RALGPS1: variants seen among roughly 807,000 people sequenced by gnomAD.
RALGPS1 encodes Ral GEF with PH domain and SH3 binding motif 1.
RALGPS1 carries 19 observed loss-of-function variants against 78.8 expected under a neutral mutation model. The ratio of observed to expected loss-of-function variants is 0.24; its 90% CI spans 0.17 to 0.35. The LOEUF (loss-of-function observed/expected upper bound fraction) is 0.35, where lower values mean the gene tolerates loss of function less well. RALGPS1 is among the 10% of genes least tolerant of loss of function. The pLI, the probability that RALGPS1 is intolerant of heterozygous loss-of-function variation, is 1.00. For missense variants in RALGPS1, 454 were observed against 688.3 expected, an observed-to-expected ratio of 0.66 and a Z score of 3.81; for synonymous variants, 228 against 256.3, an observed-to-expected ratio of 0.89 and a Z score of 1.06.
chr9:127,056,988 T>A (rs546604121), intron 7 of RALGPS1, among the ~76,000 whole-genome samples: 1 of 152,214 alleles, frequency 6.6e-6, no homozygotes, highest in South Asian at 2.1e-4. Context: ...AGCCATAACA[T>A]CCCCAAAGGT....
chr9:127,091,679 C>T lies in RALGPS1; in HGVS notation c.610+22323C>T, dbSNP rs1180145642. 1 of 1,613,566 alleles carries T rather than the reference C, an allele frequency of 6.2e-7. No homozygotes were observed. Among genetic ancestry groups the T allele is most frequent in the Non-Finnish European group, 8.5e-7 (1 of 1,179,976 alleles). On this transcript the variant is annotated intron_variant, in intron 8 of 18. Transcript: ENST00000259351. This position sits in a 1 kb window ranked among gnomAD's most constrained non-coding sequence, Gnocchi z 4.3. The stretch of plus-strand genomic sequence containing the variant: ...ACTCCACTTTTCCTACCTGTGTAGA[C>T]ATCATGATCTCTGTCCAGGGTGGTG...
intron 14 of RALGPS1, among the ~76,000 whole-genome samples, chr9:127,200,243 C>G (rs112385644): frequency 1.3e-5 from 2 of 152,228 alleles, no homozygotes; most frequent in Non-Finnish European, 2.9e-5. Flanking sequence ...ATAAGTGCTG[C>G]CTAGCAACTC....
chr9:127,052,974 C>A, intron 7 of RALGPS1, 35 bp downstream of exon 7: 1 of 1,407,928 alleles, frequency 7.1e-7, no homozygotes, highest in Non-Finnish European at 1.0e-6. Context: ...CTAATTTTGG[C>A]TATCATTTCA....
At chr9:127,178,418 C>A in intron 11 of RALGPS1, 1 of 1,035,318 alleles carries the variant, frequency 9.7e-7, no homozygotes. Context: ...ATAAAATCTT[C>A]CTCCTTCACA....
chr9:126,984,930 A>G (rs926327893), intron 4 of RALGPS1, among the ~76,000 whole-genome samples: 3 of 152,236 alleles, frequency 2.0e-5, no homozygotes, highest in Admixed American at 1.3e-4. Flanking sequence ...TTTGCCATGG[A>G]CAGAGCTAGT....
At chr9:126,921,277 C>G (rs1214086025) in intron 1 of RALGPS1, among the ~76,000 whole-genome samples, 3 of 152,202 alleles carry the variant, frequency 2.0e-5, no homozygotes, top group African/African-American at 7.2e-5. Context: ...CAGGACCTTC[C>G]TCACTAGCCC....
chr9:127,136,655 GC>G (rs200625152), intron 8 of RALGPS1, among the ~76,000 whole-genome samples: 3,725 of 152,136 alleles, frequency 0.024, 58 homozygotes, highest in Middle Eastern at 0.048. Flanking sequence ...CTCAGCCCTG[GC>G]CCCCCCAGAG....
At chr9:127,033,506 TA>T (rs1247449974) in intron 4 of RALGPS1, among the ~76,000 whole-genome samples, 4 of 152,210 alleles carry the variant, frequency 2.6e-5, no homozygotes, top group Non-Finnish European at 5.9e-5. Context: ...ATGAAAACTC[TA>T]GGTCAATGGC....
intron 1 of RALGPS1, among the ~76,000 whole-genome samples, chr9:126,943,761 T>A (rs1187351454): frequency 6.6e-6 from 1 of 152,188 alleles, no homozygotes; most frequent in African/African-American, 2.4e-5. Context: ...AACCAGACCT[T>A]GCCCACCCTG....
chr9:126,926,846 C>T (rs2035328882), intron 1 of RALGPS1, among the ~76,000 whole-genome samples: 1 of 151,976 alleles, frequency 6.6e-6, no homozygotes, highest in African/African-American at 2.4e-5. Context: ...GCCTCTCCTA[C>T]TTGGTAGATG....
chr9:127,040,057 A>G (rs1020557284), intron 5 of RALGPS1, among the ~76,000 whole-genome samples: 1 of 152,194 alleles, frequency 6.6e-6, no homozygotes, highest in Non-Finnish European at 1.5e-5. Context: ...GGCAAAGCAG[A>G]TTTTTTGGAA....
intron 3 of RALGPS1, among the ~76,000 whole-genome samples, chr9:126,970,536 C>T (rs1270022931): frequency 6.6e-6 from 1 of 152,022 alleles, no homozygotes; most frequent in Non-Finnish European, 1.5e-5. Flanking sequence ...AATGATGCTG[C>T]GTACCTAAGA....
chr9:127,101,284 A>G (rs2053698974), intron 8 of RALGPS1, among the ~76,000 whole-genome samples: 1 of 152,228 alleles, frequency 6.6e-6, no homozygotes, highest in Non-Finnish European at 1.5e-5. Context: ...CCAGGGCTCA[A>G]GAGGATCACA....
Position 127,075,405 on chromosome 9 carries a change from A to G in RALGPS1, c.610+6049A>G, listed in dbSNP as rs561264544. ...GGTGCCGTAGTTTGCTTAAAAAAGA[A>G]TGAAGCAAGACCTCCTGAGGCAGCT... On this transcript the variant is annotated intron_variant, in intron 8 of 18. Coordinates refer to ENST00000259351, the MANE Select transcript of RALGPS1 (RefSeq NM_014636.3). Among the ~76,000 whole-genome samples the G allele has an allele frequency of 1.7e-4, 26 of 152,350 alleles. No individual in the cohort carries two copies. In the South Asian group the frequency reaches 5.2e-3, roughly 30 times the overall value.
At chr9:127,064,431 A>G (rs2049495461) in intron 7 of RALGPS1, among the ~76,000 whole-genome samples, 1 of 152,210 alleles carries the variant, frequency 6.6e-6, no homozygotes, top group Non-Finnish European at 1.5e-5. Context: ...TAAACCTAAA[A>G]AACTTATTAT....
chr9:127,035,096 C>T (rs966048595), intron 5 of RALGPS1, among the ~76,000 whole-genome samples: 1 of 152,170 alleles, frequency 6.6e-6, no homozygotes, highest in Non-Finnish European at 1.5e-5. Flanking sequence ...CTGTAGTCTC[C>T]ACCTTCCTTG....
At chr9:126,952,656 AGTGTGT>A (rs1281535322) in intron 1 of RALGPS1, among the ~76,000 whole-genome samples, 2 of 138,828 alleles carry the variant, frequency 1.4e-5, no homozygotes, top group African/African-American at 5.3e-5. Flanking sequence ...AGAGAGAGAG[AGTGTGT>A]GTGTGTGTGT....
chr9:127,127,358 T>C (rs756926571), intron 8 of RALGPS1, among the ~76,000 whole-genome samples: 13 of 152,228 alleles, frequency 8.5e-5, no homozygotes, highest in Admixed American at 2.6e-4. Context: ...ACCAGAGTAG[T>C]TGTTCAAAAC....
At chr9:127,120,017 G>T (rs1312402429) in intron 8 of RALGPS1, among the ~76,000 whole-genome samples, 2 of 152,168 alleles carry the variant, frequency 1.3e-5, no homozygotes, top group African/African-American at 4.8e-5. Context: ...AACCTCAGGG[G>T]GCCACAGCAC....
Sources: gnomAD v4.1 joint callset for allele counts (sites outside exome capture counted in the v4.1 genomes callset) on GRCh38, gnomAD v4.1.1 for gene constraint, Gnocchi (gnomAD v3.1) non-coding constraint, MANE v1.5 for transcripts, NCBI Gene and HGNC (gene_info 2026-07-23, HGNC 2026-07-21) for gene names.